The following VWA3B variants were observed in gnomAD, a reference collection of about 807,000 sequenced individuals.
The protein encoded by VWA3B is von Willebrand factor A domain-containing protein 3B.
A neutral mutation model predicts 158.3 loss-of-function variants in VWA3B; 138 were observed. The observed-to-expected ratio is 0.87, with a 90% CI of 0.76 to 1.00. VWA3B has a LOEUF of 1.00. VWA3B is among the 50% of genes least tolerant of loss of function. VWA3B has a pLI of 0.00. For synonymous variants in VWA3B, 596 were observed against 587.3 expected, an observed-to-expected ratio of 1.01 and a Z score of -0.21; for missense variants, 1,555 against 1,565.1, an observed-to-expected ratio of 0.99 and a Z score of 0.11.
rs561543572 is a variant in VWA3B at position 98,283,909 on chromosome 2, T to C, written c.3046-6602T>C. 4.2e-4 allele frequency among the ~76,000 whole-genome samples: 64 copies of C among 152,360 alleles called. 1 individual carries two copies. The South Asian group carries it at 0.013, about 31-fold the overall frequency. On this transcript the variant is annotated intron_variant, in intron 22 of 27. Transcript: ENST00000477737. Reference sequence around the variant, plus strand: ...TCTCCTGCCTCCTAGTCCAGCTCCTTCCTCTGAGGTCATTTCAAGCCACAG... The same window carrying C: ...TCTCCTGCCTCCTAGTCCAGCTCCTCCCTCTGAGGTCATTTCAAGCCACAG...
intron 26 of VWA3B, among the ~76,000 whole-genome samples, chr2:98,305,745 C>T (rs1690483558): frequency 6.6e-6 from 1 of 152,118 alleles, no homozygotes; most frequent in South Asian, 2.1e-4. Context: ...CCCCCTTGGT[C>T]TCCAGGTTGC....
At chr2:98,217,026 G>T in intron 13 of VWA3B, 7 of 1,226,994 alleles carry the variant, frequency 5.7e-6, no homozygotes, top group Non-Finnish European at 7.4e-6. Flanking sequence ...ATGCTAAACT[G>T]GCATGATGTT....
intron 14 of VWA3B, among the ~76,000 whole-genome samples, chr2:98,222,062 C>A (rs1381127619): frequency 6.6e-6 from 1 of 152,160 alleles, no homozygotes; most frequent in Non-Finnish European, 1.5e-5. Context: ...AAGTGTGAAA[C>A]AGGACTAGCC....
intron 22 of VWA3B, among the ~76,000 whole-genome samples, chr2:98,273,440 G>T (rs997028371): frequency 1.3e-5 from 2 of 152,138 alleles, no homozygotes; most frequent in African/African-American, 4.8e-5. Context: ...CTTCCTCAAA[G>T]AATTATTCAG....
intron 13 of VWA3B, 35 bp downstream of exon 13, chr2:98,212,063 C>A: frequency 6.3e-7 from 1 of 1,584,876 alleles, no homozygotes; most frequent in Non-Finnish European, 8.7e-7. Flanking sequence ...GAGGGCCTCA[C>A]TGATGCTCTG....
intron 7 of VWA3B, among the ~76,000 whole-genome samples, chr2:98,135,397 G>A (rs967049840): frequency 1.4e-5 from 2 of 141,066 alleles, no homozygotes; most frequent in African/African-American, 5.2e-5. Context: ...GTGCAGTGGC[G>A]GGATCTCGGC....
At chr2:98,282,388 A>C (rs907575470) in intron 22 of VWA3B, among the ~76,000 whole-genome samples, 1 of 152,114 alleles carries the variant, frequency 6.6e-6, no homozygotes, top group African/African-American at 2.4e-5. Context: ...AATTCTTGCC[A>C]ATAGTAATAA....
At chr2:98,226,798 T>C (rs1376906576) in intron 14 of VWA3B, among the ~76,000 whole-genome samples, 1 of 152,146 alleles carries the variant, frequency 6.6e-6, no homozygotes, top group Non-Finnish European at 1.5e-5. Flanking sequence ...AATCTACAGA[T>C]GGCAAAGAAG....
At chr2:98,272,133 G>A (rs1688239364) in intron 22 of VWA3B, among the ~76,000 whole-genome samples, 1 of 152,128 alleles carries the variant, frequency 6.6e-6, no homozygotes, top group Non-Finnish European at 1.5e-5. Flanking sequence ...GATCCCACAG[G>A]TTGAGGGCTC....
At chr2:98,134,003 A>C in intron 7 of VWA3B, 64 bp downstream of exon 7, 1 of 1,367,238 alleles carries the variant, frequency 7.3e-7, no homozygotes, top group South Asian at 1.2e-5. Context: ...GACGTGGATC[A>C]TTAGGAAGTA....
intron 7 of VWA3B, among the ~76,000 whole-genome samples, chr2:98,139,735 A>G (rs1364677300): frequency 2.0e-5 from 3 of 152,136 alleles, no homozygotes; most frequent in South Asian, 4.1e-4. Context: ...AAACGCACCA[A>G]TCAGCGCCCT....
At chr2:98,295,671 C>T (rs930358212) in intron 23 of VWA3B, among the ~76,000 whole-genome samples, 7 of 152,182 alleles carry the variant, frequency 4.6e-5, no homozygotes, top group African/African-American at 1.7e-4. Context: ...GAACCGAGGT[C>T]CTCAAACGGG....
rs746576383 is a variant in VWA3B at position 98,242,283 on chromosome 2, T to C, written c.2673+5553T>C. ...GTTTCCCGGACCAGCCTCAAATCGG[T>C]CACCTTGGAAATGAGGTATTGAGCA... On this transcript the variant is annotated intron_variant, in intron 19 of 27. Transcript: ENST00000477737. The C allele has an allele frequency of 4.8e-5, 22 of 456,102 alleles. 1 individual carries two copies. Among genetic ancestry groups the C allele is most frequent in the African/African-American group, 3.6e-4 (18 of 50,002 alleles). The allele number at this position is 456,102 out of a possible 1,614,324, so 28.3% of individuals were successfully genotyped here.
intron 8 of VWA3B, among the ~76,000 whole-genome samples, chr2:98,163,328 A>T (rs896623328): frequency 6.6e-5 from 10 of 152,220 alleles, no homozygotes; most frequent in Non-Finnish European, 1.5e-5. Flanking sequence ...TCACGAGGTC[A>T]GGAGATCGAG....
At chr2:98,126,017 A>G (rs1467225554) in intron 5 of VWA3B, among the ~76,000 whole-genome samples, 1 of 152,124 alleles carries the variant, frequency 6.6e-6, no homozygotes, top group Admixed American at 6.5e-5. Flanking sequence ...AGGCAGAAAG[A>G]CCGTGTACAG....
intron 7 of VWA3B, 61 bp from the exon 8 acceptor site, chr2:98,162,790 C>T (rs945337456): frequency 3.9e-5 from 62 of 1,593,160 alleles, no homozygotes; most frequent in Admixed American, 6.9e-5. Flanking sequence ...GCCTGCTAGG[C>T]GGGCTGCCAC....
At chr2:98,246,989 T>C (rs1423308515) in intron 19 of VWA3B, among the ~76,000 whole-genome samples, 1 of 152,064 alleles carries the variant, frequency 6.6e-6, no homozygotes, top group Non-Finnish European at 1.5e-5. Context: ...GTTTTAAAAG[T>C]TTTAATGTAA....
chr2:98,215,501 A>G (rs1268763340), intron 13 of VWA3B, among the ~76,000 whole-genome samples: 2 of 151,584 alleles, frequency 1.3e-5, no homozygotes, highest in African/African-American at 2.4e-5. Flanking sequence ...AAATTACCCC[A>G]AACATAATTT....
chr2:98,319,016 C>T, the VWA3B span, among the ~76,000 whole-genome samples: 1 of 152,098 alleles, frequency 6.6e-6, no homozygotes, highest in African/African-American at 2.4e-5. Flanking sequence ...ATTTGCAATC[C>T]ACAGTTGGTT....
Sources: gnomAD v4.1 joint callset for allele counts (sites outside exome capture counted in the v4.1 genomes callset) on GRCh38, gnomAD v4.1.1 for gene constraint, MANE v1.5 for transcripts, NCBI Gene and HGNC (gene_info 2026-07-23, HGNC 2026-07-21) for gene names.